PLEKHA7: variants seen among roughly 807,000 people sequenced by gnomAD.
PLEKHA7 encodes pleckstrin homology domain-containing family A member 7.
In PLEKHA7, 104 loss-of-function variants were observed where a neutral mutation model predicts 170.0. That is an observed-to-expected ratio of 0.61 (90% CI 0.52 to 0.72). PLEKHA7 has a LOEUF of 0.72. PLEKHA7 is among the 30% of genes least tolerant of loss of function. The probability of loss-of-function intolerance (pLI) is 0.00; values close to 1 mark genes in which losing one functional copy is unlikely to be tolerated. For missense variants in PLEKHA7, 1,615 were observed against 1,671.7 expected (o/e 0.97, Z 0.59); for synonymous variants, 648 against 660.8 (o/e 0.98, Z 0.30).
chr11:16,907,177 C>T (rs560492376), intron 3 of PLEKHA7, among the ~76,000 whole-genome samples: 3 of 79,450 alleles, frequency 3.8e-5, no homozygotes, highest in East Asian at 7.1e-4. Flanking sequence ...GTTAGCCCCC[C>T]GCCCGGCCAG....
At chr11:16,812,034 T>C (rs1330965468) in intron 13 of PLEKHA7, among the ~76,000 whole-genome samples, 2 of 152,210 alleles carry the variant, frequency 1.3e-5, no homozygotes, top group African/African-American at 4.8e-5. Flanking sequence ...TGTCTAGTCA[T>C]TGTAGAGGAG....
intron 3 of PLEKHA7, among the ~76,000 whole-genome samples, chr11:16,907,068 G>A (rs1857806597): frequency 6.9e-6 from 1 of 144,918 alleles, no homozygotes; most frequent in South Asian, 2.3e-4. Flanking sequence ...CGTCTGGGAA[G>A]CGAGGAGCGT....
At chr11:16,801,543 G>T in intron 16 of PLEKHA7, 125 bp downstream of exon 16, 1 of 1,214,892 alleles carries the variant, frequency 8.2e-7, no homozygotes, top group Non-Finnish European at 1.1e-6. Context: ...TCTGCTACTG[G>T]AGAAGCTCTG....
At chr11:16,801,358 G>A (rs945290242) in intron 16 of PLEKHA7, among the ~76,000 whole-genome samples, 1 of 152,242 alleles carries the variant, frequency 6.6e-6, no homozygotes, top group Non-Finnish European at 1.5e-5. Flanking sequence ...AGCAGATTCT[G>A]ACAACTTGGA....
intron 3 of PLEKHA7, among the ~76,000 whole-genome samples, chr11:16,888,403 G>C (rs1012502876): frequency 0.013 from 1,913 of 152,352 alleles, 6 homozygotes; most frequent in African/African-American, 0.041. Context: ...TGAGTAGACG[G>C]GGGGGAAATG....
At chr11:16,847,655 C>T (rs796796047) in intron 8 of PLEKHA7, among the ~76,000 whole-genome samples, 2 of 151,776 alleles carry the variant, frequency 1.3e-5, no homozygotes, top group South Asian at 4.2e-4. Flanking sequence ...CATGGTGAAA[C>T]CCCATCTCTA....
At chr11:16,944,113 G>A (rs977422736) in intron 3 of PLEKHA7, among the ~76,000 whole-genome samples, 4 of 152,062 alleles carry the variant, frequency 2.6e-5, no homozygotes, top group African/African-American at 4.8e-5. Flanking sequence ...CAGCACTTTC[G>A]GAGGCCAAGG....
In PLEKHA7 at chr11:16,801,013, C is replaced by A; in HGVS notation, c.2370G>T (p.Gln790His). The A allele has an allele frequency of 6.2e-7, 1 of 1,614,266 alleles. No homozygotes were observed. Among genetic ancestry groups the A allele is most frequent in the Non-Finnish European group, 8.5e-7 (1 of 1,180,050 alleles). The change falls in exon 17 of 27, where the codon CAG becomes CAT. Residue 790 changes from glutamine (Q) to histidine (H), a missense_variant. Transcript: ENST00000531066. ...CTCTTCTGTGTTGCTCCTGCAGGGT[C>A]TGCTTCAGCTGTTCCACATCATTCT... ...KLENDVEQLK[Q>H]TLQEQHRRAF...
At chr11:16,820,186 T>G (rs1211622548) in intron 10 of PLEKHA7, among the ~76,000 whole-genome samples, 2 of 152,180 alleles carry the variant, frequency 1.3e-5, no homozygotes, top group African/African-American at 4.8e-5. Context: ...TCCAGGAGAT[T>G]CTAGTGCTCT....
rs6486341 is a variant in PLEKHA7, at chr11:17,013,539, G to T, written c.221+450C>A. Among the ~76,000 whole-genome samples the T allele has an allele frequency of 1.2e-4, 18 of 151,746 alleles. No individual in the cohort carries two copies. The East Asian group carries it at 1.8e-3, about 15-fold the overall frequency. ...GGCGGGAGAGGGGGCGTCCTCCTAA[G>T]CGAGATTCCCCTAGTCTCTCCCTCT... On this transcript the variant is annotated intron_variant, in intron 3 of 26. Coordinates refer to ENST00000531066, the MANE Select transcript of PLEKHA7 (RefSeq NM_001329630.2).
chr11:16,782,991 T>C, intron 25 of PLEKHA7, 95 bp from the exon 26 acceptor site: 12 of 1,332,392 alleles, frequency 9.0e-6, no homozygotes, highest in Non-Finnish European at 1.2e-5. Context: ...TCTCAACATT[T>C]TGAGGGGGAT....
chr11:16,927,974 A>G (rs1859678996), intron 3 of PLEKHA7, among the ~76,000 whole-genome samples: 1 of 145,598 alleles, frequency 6.9e-6, no homozygotes, highest in Non-Finnish European at 1.5e-5. Context: ...AATCATCCCA[A>G]TTGTGTGTGG....
chr11:16,807,399 G>A (rs1242376972), intron 13 of PLEKHA7, among the ~76,000 whole-genome samples: 1 of 152,094 alleles, frequency 6.6e-6, no homozygotes, highest in African/African-American at 2.4e-5. Flanking sequence ...TGGGACCGTG[G>A]ATGCTCCTCC....
At chr11:16,967,904 C>T (rs1590743447) in intron 3 of PLEKHA7, among the ~76,000 whole-genome samples, 1 of 152,108 alleles carries the variant, frequency 6.6e-6, no homozygotes, top group Non-Finnish European at 1.5e-5. Flanking sequence ...GAAAGAGGTA[C>T]CCATCTAAAG....
chr11:16,894,514 G>C (rs1038757038), intron 3 of PLEKHA7, among the ~76,000 whole-genome samples: 1 of 152,222 alleles, frequency 6.6e-6, no homozygotes, highest in East Asian at 1.9e-4. Flanking sequence ...CAAGATGGCA[G>C]GGTGAGCAGG....
intron 3 of PLEKHA7, among the ~76,000 whole-genome samples, chr11:16,926,152 G>T (rs1055342955): frequency 6.6e-6 from 1 of 152,238 alleles, no homozygotes; most frequent in Non-Finnish European, 1.5e-5. Context: ...TTGCGGGAAC[G>T]GATTCTGACA....
At chr11:16,852,876 C>A (rs1379805164) in intron 6 of PLEKHA7, among the ~76,000 whole-genome samples, 2 of 152,182 alleles carry the variant, frequency 1.3e-5, no homozygotes, top group African/African-American at 2.4e-5. Flanking sequence ...AATTTGGATT[C>A]TCTTTGCTAT....
chr11:17,008,407 C>T (rs368187248), intron 3 of PLEKHA7, among the ~76,000 whole-genome samples: 6 of 152,320 alleles, frequency 3.9e-5, no homozygotes, highest in African/African-American at 1.4e-4. Flanking sequence ...GAGCCTCCAC[C>T]AGCCAGCTTC....
At chr11:16,849,900 A>G (rs1852780688) in intron 8 of PLEKHA7, among the ~76,000 whole-genome samples, 1 of 152,156 alleles carries the variant, frequency 6.6e-6, no homozygotes, top group African/African-American at 2.4e-5. Flanking sequence ...CACAGGAACA[A>G]CTCAAACCTG....
Sources: allele counts gnomAD v4.1 joint callset (sites outside exome capture counted in the v4.1 genomes callset), GRCh38; gene constraint gnomAD v4.1.1; transcripts MANE v1.5; gene names NCBI Gene and HGNC (gene_info 2026-07-23, HGNC 2026-07-21).